CPQ: variants seen among roughly 807,000 people sequenced by gnomAD.
CPQ encodes carboxypeptidase Q, also known as Ser-Met dipeptidase.
A neutral mutation model predicts 45.7 loss-of-function variants in CPQ; 37 were observed. That is an observed-to-expected ratio of 0.81 (90% CI 0.62 to 1.07). The LOEUF is 1.07. Ranked by LOEUF, CPQ falls within the 50% of genes least tolerant of loss-of-function variation. The pLI, the probability that CPQ is intolerant of heterozygous loss-of-function variation, is 0.00. For synonymous variants in CPQ, 186 were observed against 205.8 expected, an observed-to-expected ratio of 0.90 and a Z score of 0.82; for missense variants, 537 against 572.9, an observed-to-expected ratio of 0.94 and a Z score of 0.64.
At chr8:96,865,210 A>G (rs1811982225) in intron 3 of CPQ, among the ~76,000 whole-genome samples, 1 of 152,004 alleles carries the variant, frequency 6.6e-6, no homozygotes, top group Non-Finnish European at 1.5e-5. Context: ...AACTCTGCCT[A>G]TCCAGGATTT....
intron 7 of CPQ, among the ~76,000 whole-genome samples, chr8:97,072,810 C>A (rs1453267093): frequency 6.6e-6 from 1 of 152,166 alleles, no homozygotes; most frequent in East Asian, 1.9e-4. Flanking sequence ...TGGGTACACT[C>A]GTACAATGCC....
At chr8:96,948,215 A>T (rs1180075860) in intron 4 of CPQ, among the ~76,000 whole-genome samples, 2 of 152,102 alleles carry the variant, frequency 1.3e-5, no homozygotes, top group African/African-American at 4.8e-5. Flanking sequence ...GTAAGCAGTG[A>T]GTGGCCAGAC....
rs186298302 is a variant in CPQ, at chr8:97,108,703, G to C, written c.1256-34317G>C. On this transcript the variant is annotated intron_variant, in intron 7 of 7. Coordinates refer to ENST00000220763, the MANE Select transcript of CPQ (RefSeq NM_016134.4). ...AAGTAAAACTCCTTGTTTGTAAAAG[G>C]TGAATAAAAACCACTTTTGTGTTAC... Among the ~76,000 whole-genome samples the C allele has an allele frequency of 3.1e-3, 472 of 152,296 alleles. 4 individuals are homozygous for C. Among genetic ancestry groups the C allele is most frequent in the South Asian group, 0.024 (118 of 4,826 alleles).
At chr8:96,913,646 T>C (rs1368924769) in intron 4 of CPQ, among the ~76,000 whole-genome samples, 2 of 152,222 alleles carry the variant, frequency 1.3e-5, no homozygotes, top group African/African-American at 2.4e-5. Context: ...AGTAAATTCT[T>C]TGTGTTTCCC....
intron 6 of CPQ, among the ~76,000 whole-genome samples, chr8:97,029,806 T>G (rs180697037): frequency 6.6e-6 from 1 of 152,146 alleles, no homozygotes; most frequent in Non-Finnish European, 1.5e-5. Context: ...GAAATAGTTA[T>G]AGGCAAACAT....
intron 1 of CPQ, among the ~76,000 whole-genome samples, chr8:96,756,126 GAA>G (rs1165001059): frequency 6.6e-6 from 1 of 151,962 alleles, no homozygotes; most frequent in African/African-American, 2.4e-5. Flanking sequence ...TCTTCGATAT[GAA>G]AGAGTAAGGC....
chr8:96,908,040 C>T (rs1186126214), intron 4 of CPQ, among the ~76,000 whole-genome samples: 1 of 151,804 alleles, frequency 6.6e-6, no homozygotes, highest in Non-Finnish European at 1.5e-5. Flanking sequence ...TGATGGTTCC[C>T]AAGGCTCCAC....
At chr8:96,730,887 A>ATATATATATATATATATATATATG (rs1809904787) in intron 1 of CPQ, among the ~76,000 whole-genome samples, 1 of 120,132 alleles carries the variant, frequency 8.3e-6, no homozygotes, top group South Asian at 2.8e-4. Flanking sequence ...ATATATATAT[A>ATATATATATATATATATATATATG]TATATGCATT....
intron 4 of CPQ, among the ~76,000 whole-genome samples, chr8:96,956,065 A>G (rs551581600): frequency 2.6e-5 from 4 of 152,340 alleles, no homozygotes; most frequent in African/African-American, 7.2e-5. Context: ...AGCAAAAGAA[A>G]CTACCATCAG....
intron 1 of CPQ, among the ~76,000 whole-genome samples, chr8:96,746,308 A>G (rs914860431): frequency 1.3e-5 from 2 of 152,242 alleles, no homozygotes; most frequent in African/African-American, 2.4e-5. Context: ...ATAAATTCAT[A>G]GCACTTAAAA....
intron 1 of CPQ, among the ~76,000 whole-genome samples, chr8:96,742,555 A>T (rs1338355190): frequency 1.3e-5 from 2 of 149,926 alleles, no homozygotes; most frequent in African/African-American, 2.5e-5. Flanking sequence ...TAGTTGATGC[A>T]GTTTCTTCCT....
intron 5 of CPQ, among the ~76,000 whole-genome samples, chr8:97,029,163 T>G (rs1387723776): frequency 1.3e-5 from 2 of 152,150 alleles, no homozygotes; most frequent in African/African-American, 4.8e-5. Flanking sequence ...AGGCTCTCAC[T>G]TTCTGGCCTG....
At chr8:96,987,504 G>A (rs1302674534) in intron 5 of CPQ, among the ~76,000 whole-genome samples, 1 of 152,184 alleles carries the variant, frequency 6.6e-6, no homozygotes, top group Non-Finnish European at 1.5e-5. Context: ...CCTGCTCAGG[G>A]AAGCATAGAT....
intron 1 of CPQ, among the ~76,000 whole-genome samples, chr8:96,664,207 G>C (rs922914947): frequency 6.6e-6 from 1 of 152,160 alleles, no homozygotes; most frequent in Non-Finnish European, 1.5e-5. Context: ...AAAAGAACAA[G>C]AGAAAAATTA....
At chr8:97,042,794 T>C (rs1325647540) in intron 6 of CPQ, among the ~76,000 whole-genome samples, 4 of 152,036 alleles carry the variant, frequency 2.6e-5, no homozygotes, top group Admixed American at 1.3e-4. Context: ...AGTTGAGCGG[T>C]TTTGAGTGAG....
chr8:97,005,208 AG>A (rs1402830514), intron 5 of CPQ, among the ~76,000 whole-genome samples: 1 of 151,724 alleles, frequency 6.6e-6, no homozygotes, highest in Non-Finnish European at 1.5e-5. Context: ...CAGCCTCACA[AG>A]TAGCTGGGAC....
chr8:96,692,160 A>G (rs1809313087), intron 1 of CPQ, among the ~76,000 whole-genome samples: 1 of 152,172 alleles, frequency 6.6e-6, no homozygotes, highest in Non-Finnish European at 1.5e-5. Flanking sequence ...TGATATTGGT[A>G]AGTGCAGGAG....
chr8:96,794,656 A>G (rs1340360854), intron 2 of CPQ, among the ~76,000 whole-genome samples: 1 of 152,096 alleles, frequency 6.6e-6, no homozygotes, highest in African/African-American at 2.4e-5. Context: ...CAGGCTGCAA[A>G]TTTTCCGAAC....
chr8:97,127,729 C>G (rs1157016805), intron 7 of CPQ, among the ~76,000 whole-genome samples: 1 of 152,022 alleles, frequency 6.6e-6, no homozygotes, highest in Non-Finnish European at 1.5e-5. Flanking sequence ...AAATTAAAAC[C>G]AAGACAAGAC....
Sources: gnomAD v4.1 joint callset for allele counts (sites outside exome capture counted in the v4.1 genomes callset) on GRCh38, gnomAD v4.1.1 for gene constraint, MANE v1.5 for transcripts, NCBI Gene and HGNC (gene_info 2026-07-23, HGNC 2026-07-21) for gene names.